The following CDH8 variants were observed in gnomAD, a reference collection of about 807,000 sequenced individuals.
CDH8 encodes cadherin 8.
CDH8 carries 17 observed loss-of-function variants against 68.1 expected under a neutral mutation model. The ratio of observed to expected loss-of-function variants is 0.25; its 90% CI spans 0.17 to 0.37. CDH8 has a LOEUF of 0.37. CDH8 is among the 10% of genes least tolerant of loss of function. CDH8 has a pLI of 1.00. For synonymous variants in CDH8, 372 were observed against 365.1 expected (o/e 1.02, Z -0.21); for missense variants, 763 against 999.3 (o/e 0.76, Z 3.19).
At chr16:61,957,608 A>G (rs1326819122) in intron 2 of CDH8, among the ~76,000 whole-genome samples, 2 of 152,178 alleles carry the variant, frequency 1.3e-5, no homozygotes, top group Non-Finnish European at 2.9e-5. Context: ...ATGAACACAA[A>G]CATACATATG....
Position 61,647,469 on chromosome 16 carries a change from TG to T in CDH8, c.*6138del, listed in dbSNP as rs72539033. On this transcript the variant is annotated 3_prime_UTR_variant, in exon 12 of 12. Transcript: ENST00000577390. ...TTAAAGCAGAGTAACGTTGGAAAGG[TG>T]GGGGGGGTGATCCCAGTGACTCCTA... 159,597 of 222,514 alleles carry T rather than the reference TG, an allele frequency of 0.72. 58,451 individuals carry two copies. The highest frequency in any genetic ancestry group is 0.89 in the African/African-American group (38,617 of 43,432). 13.8% of individuals were successfully genotyped at this position (222,514 alleles called of 1,614,324 possible). A position where few individuals can be genotyped will look rare whatever the true frequency, so the allele number is the denominator to read the frequency against.
At chr16:61,935,167 G>A (rs1201334094) in intron 2 of CDH8, among the ~76,000 whole-genome samples, 1 of 152,158 alleles carries the variant, frequency 6.6e-6, no homozygotes, top group Non-Finnish European at 1.5e-5. Context: ...AGAGGCAAAA[G>A]TAGAACAGTT....
chr16:61,809,207 T>TAA (rs201077396), intron 7 of CDH8, among the ~76,000 whole-genome samples: 4 of 148,416 alleles, frequency 2.7e-5, no homozygotes, highest in South Asian at 2.1e-4. Flanking sequence ...AAGACTTTAC[T>TAA]AAAAAAAAAC....
chr16:61,716,869 T>C (rs1964740571), intron 9 of CDH8, among the ~76,000 whole-genome samples: 1 of 151,766 alleles, frequency 6.6e-6, no homozygotes, highest in African/African-American at 2.4e-5. Context: ...AAGATATCCA[T>C]ACTAATGAGG....
chr16:62,026,224 A>G (rs1312502382), intron 1 of CDH8, among the ~76,000 whole-genome samples: 2 of 152,238 alleles, frequency 1.3e-5, no homozygotes, highest in East Asian at 1.9e-4. Flanking sequence ...TTAAAACCCA[A>G]TAAAGAGCCA....
chr16:61,736,880 T>C (rs1465461729), intron 8 of CDH8, among the ~76,000 whole-genome samples: 2 of 152,164 alleles, frequency 1.3e-5, no homozygotes, highest in Non-Finnish European at 2.9e-5. Context: ...AATTAGAAAC[T>C]TGATTAACAT....
At chr16:61,950,179 C>T (rs955825012) in intron 2 of CDH8, among the ~76,000 whole-genome samples, 3 of 152,034 alleles carry the variant, frequency 2.0e-5, no homozygotes, top group Non-Finnish European at 2.9e-5. Flanking sequence ...CAATATACTC[C>T]CTGGTAAGTG....
intron 4 of CDH8, among the ~76,000 whole-genome samples, chr16:61,854,273 G>A (rs1170007988): frequency 4.6e-5 from 7 of 152,032 alleles, no homozygotes; most frequent in Admixed American, 3.9e-4. Context: ...CTTGACCTCA[G>A]GATCCAAGTC....
chr16:61,774,425 TC>T (rs1960855652), intron 8 of CDH8, among the ~76,000 whole-genome samples: 3 of 150,606 alleles, frequency 2.0e-5, no homozygotes, highest in Admixed American at 1.3e-4. Flanking sequence ...CACAGTTCTT[TC>T]TGCCCTTTCT....
intron 3 of CDH8, among the ~76,000 whole-genome samples, chr16:61,866,052 T>A (rs1321144605): frequency 6.6e-6 from 1 of 151,996 alleles, no homozygotes; most frequent in African/African-American, 2.4e-5. Flanking sequence ...ACTCTGTCTC[T>A]ACAAAAATAT....
At chr16:61,668,681 C>CA (rs1555501181) in intron 10 of CDH8, among the ~76,000 whole-genome samples, 2 of 144,606 alleles carry the variant, frequency 1.4e-5, no homozygotes, top group Non-Finnish European at 3.0e-5. Context: ...AAAAAAAAAA[C>CA]AAACACACAC....
chr16:61,733,859 G>A (rs917128747), intron 8 of CDH8, among the ~76,000 whole-genome samples: 8 of 151,704 alleles, frequency 5.3e-5, no homozygotes, highest in African/African-American at 1.2e-4. Flanking sequence ...AGTTATCTAC[G>A]ACCACAGTGA....
chr16:61,926,009 T>C (rs1176353363), intron 2 of CDH8, among the ~76,000 whole-genome samples: 1 of 152,182 alleles, frequency 6.6e-6, no homozygotes, highest in African/African-American at 2.4e-5. Context: ...TACTTCATCC[T>C]TACTATACCT....
At chr16:61,742,118 T>C (rs1305044387) in intron 8 of CDH8, among the ~76,000 whole-genome samples, 2 of 152,186 alleles carry the variant, frequency 1.3e-5, no homozygotes, top group South Asian at 2.1e-4. Flanking sequence ...TGTTTTGCTA[T>C]GTAATTGAAG....
At chr16:62,019,976 C>A (rs1264007455) in intron 2 of CDH8, among the ~76,000 whole-genome samples, 2 of 152,116 alleles carry the variant, frequency 1.3e-5, no homozygotes, top group African/African-American at 4.8e-5. Flanking sequence ...GCATCTGGCA[C>A]ATAGGAAAGG....
chr16:61,856,420 T>G (rs1597021058), intron 4 of CDH8, among the ~76,000 whole-genome samples: 1 of 152,164 alleles, frequency 6.6e-6, no homozygotes, highest in African/African-American at 2.4e-5. Flanking sequence ...AAAACATATA[T>G]CTTCATTTAT....
chr16:61,776,475 T>C (rs937166129), intron 8 of CDH8, among the ~76,000 whole-genome samples: 2 of 152,104 alleles, frequency 1.3e-5, no homozygotes, highest in Admixed American at 1.3e-4. Context: ...GAAGGAGCTT[T>C]TAAAGTTGCC....
intron 8 of CDH8, among the ~76,000 whole-genome samples, chr16:61,751,102 C>T (rs1960146680): frequency 6.6e-6 from 1 of 151,850 alleles, no homozygotes; most frequent in African/African-American, 2.4e-5. Flanking sequence ...ATATTAGTGT[C>T]CAACATACAT....
At chr16:61,693,355 A>C (rs1261392801) in intron 10 of CDH8, 1 of 152,126 alleles carries the variant, frequency 6.6e-6, no homozygotes, top group African/African-American at 2.4e-5. Flanking sequence ...CTTGGTTTAC[A>C]TATTGTTTAT....
Sources: gnomAD v4.1 joint callset for allele counts (sites outside exome capture counted in the v4.1 genomes callset) on GRCh38, gnomAD v4.1.1 for gene constraint, MANE v1.5 for transcripts, NCBI Gene and HGNC (gene_info 2026-07-23, HGNC 2026-07-21) for gene names.